Variants in PRKD1 observed in about 807,000 individuals in gnomAD.
PRKD1 encodes protein kinase D1, also known as serine/threonine-protein kinase D1.
A neutral mutation model predicts 95.9 loss-of-function variants in PRKD1; 63 were observed. The observed-to-expected ratio is 0.66, with a 90% CI of 0.54 to 0.81. The LOEUF is 0.81. Ranked by LOEUF, PRKD1 falls within the 30% of genes least tolerant of loss-of-function variation. PRKD1 has a pLI of 0.00. For synonymous variants in PRKD1, 425 were observed against 423.1 expected (o/e 1.00, Z -0.05); for missense variants, 1,048 against 1,165.3 (o/e 0.90, Z 1.47).
Position 29,762,654 on chromosome 14 carries a change from G to C in PRKD1, c.265-36980C>G, listed in dbSNP as rs569482519. Among the ~76,000 whole-genome samples the C allele has an allele frequency of 2.0e-5, 3 of 152,252 alleles. No individual in the cohort carries two copies. The East Asian group carries it at 5.8e-4, about 29-fold the overall frequency. On this transcript the variant is annotated intron_variant, in intron 1 of 17. Transcript: ENST00000331968. ...GTGACAATATTTGAAATGTCTTAGT[G>C]ACCACTTCTAGATTGCAGACTCCCA...
At chr14:29,635,756 T>G (rs1039672306) in intron 7 of PRKD1, among the ~76,000 whole-genome samples, 1 of 152,200 alleles carries the variant, frequency 6.6e-6, no homozygotes, top group African/African-American at 2.4e-5. Flanking sequence ...GCAGTCCAAT[T>G]TGCTCTGGTG....
At chr14:29,814,272 T>A (rs1366022314) in intron 1 of PRKD1, among the ~76,000 whole-genome samples, 1 of 152,126 alleles carries the variant, frequency 6.6e-6, no homozygotes, top group Non-Finnish European at 1.5e-5. Context: ...CCCAGTCAGG[T>A]GTAGGTATGG....
At chr14:29,762,989 C>A (rs1441262202) in intron 1 of PRKD1, among the ~76,000 whole-genome samples, 1 of 151,952 alleles carries the variant, frequency 6.6e-6, no homozygotes, top group Non-Finnish European at 1.5e-5. Flanking sequence ...AGCAATCCAC[C>A]CATCTCGGCC....
At chr14:29,915,823 C>T (rs1894869951) in intron 1 of PRKD1, among the ~76,000 whole-genome samples, 1 of 152,216 alleles carries the variant, frequency 6.6e-6, no homozygotes, top group Admixed American at 6.5e-5. Context: ...TCCTACAAAT[C>T]TACGGCCTTT....
chr14:29,586,775 G>C (rs1220256885), intron 16 of PRKD1, among the ~76,000 whole-genome samples: 1 of 152,086 alleles, frequency 6.6e-6, no homozygotes, highest in East Asian at 1.9e-4. Flanking sequence ...CTGAGTAGCT[G>C]GGATTACAGG....
chr14:29,813,757 C>G (rs1337455645), intron 1 of PRKD1, among the ~76,000 whole-genome samples: 3 of 152,214 alleles, frequency 2.0e-5, no homozygotes, highest in African/African-American at 7.2e-5. Flanking sequence ...TGAACACTGA[C>G]TCTGAATGTA....
intron 1 of PRKD1, among the ~76,000 whole-genome samples, chr14:29,888,370 A>T (rs1893813864): frequency 6.6e-6 from 1 of 152,066 alleles, no homozygotes; most frequent in South Asian, 2.1e-4. Flanking sequence ...AACAAAACCA[A>T]CTAAATGTCT....
intron 13 of PRKD1, among the ~76,000 whole-genome samples, chr14:29,622,415 T>G (rs1174762910): frequency 6.6e-6 from 1 of 151,224 alleles, no homozygotes; most frequent in African/African-American, 2.4e-5. Context: ...TTTATTATTT[T>G]TTTTTTTTTT....
At chr14:29,802,181 A>C (rs1351601951) in intron 1 of PRKD1, among the ~76,000 whole-genome samples, 8 of 152,224 alleles carry the variant, frequency 5.3e-5, no homozygotes, top group African/African-American at 1.9e-4. Context: ...TGAAAAAAAA[A>C]AGATGTGACT....
At chr14:29,603,914 G>A (rs1487411105) in intron 13 of PRKD1, among the ~76,000 whole-genome samples, 2 of 152,124 alleles carry the variant, frequency 1.3e-5, no homozygotes, top group African/African-American at 2.4e-5. Flanking sequence ...GGAAAAAATA[G>A]TGTCCATTCA....
intron 13 of PRKD1, among the ~76,000 whole-genome samples, chr14:29,612,954 C>G (rs531083764): frequency 6.6e-6 from 1 of 152,020 alleles, no homozygotes; most frequent in Non-Finnish European, 1.5e-5. Flanking sequence ...AAAAATTAGC[C>G]GGGCTTGCTG....
chr14:29,906,200 A>T (rs1566664835), intron 1 of PRKD1, among the ~76,000 whole-genome samples: 1 of 152,162 alleles, frequency 6.6e-6, no homozygotes, highest in Non-Finnish European at 1.5e-5. Flanking sequence ...AAGTATAAAT[A>T]AAAATGATTT....
At chr14:29,728,503 T>C (rs1886276932) in intron 1 of PRKD1, among the ~76,000 whole-genome samples, 1 of 152,224 alleles carries the variant, frequency 6.6e-6, no homozygotes, top group African/African-American at 2.4e-5. Flanking sequence ...ACATAGAATT[T>C]CATGTAAATG....
intron 13 of PRKD1, among the ~76,000 whole-genome samples, chr14:29,621,682 G>C (rs1328179190): frequency 6.6e-6 from 1 of 152,160 alleles, no homozygotes; most frequent in Non-Finnish European, 1.5e-5. Flanking sequence ...ATAGCTGAGT[G>C]ATATAATTTA....
chr14:29,843,531 A>T (rs1891952401), intron 1 of PRKD1, among the ~76,000 whole-genome samples: 1 of 152,240 alleles, frequency 6.6e-6, no homozygotes, highest in African/African-American at 2.4e-5. Flanking sequence ...TCTTTTACAG[A>T]GTCTCTAAAA....
In PRKD1 at chr14:29,601,501, G is replaced by A. The variant is rs45492300; in HGVS notation, c.1906-1684C>T. Among the ~76,000 whole-genome samples the A allele has an allele frequency of 1.3e-3, 202 of 152,272 alleles. 2 individuals carry two copies. The highest frequency in any genetic ancestry group is 2.0e-3 in the African/African-American group (84 of 41,554). On this transcript the variant is annotated intron_variant, in intron 13 of 17. Transcript: ENST00000331968. ...GGCTAGAGTCATTGTTCTTCAAACC[G>A]TTGCACTGTTAACTGGTCAAGTCTG...
intron 1 of PRKD1, among the ~76,000 whole-genome samples, chr14:29,897,943 T>C (rs529026292): frequency 9.2e-5 from 14 of 152,206 alleles, no homozygotes; most frequent in Non-Finnish European, 2.1e-4. Flanking sequence ...GTTATACAGC[T>C]ATCTATGTTT....
At chr14:29,598,009 C>T (rs1893373187) in intron 15 of PRKD1, among the ~76,000 whole-genome samples, 1 of 152,102 alleles carries the variant, frequency 6.6e-6, no homozygotes, top group Non-Finnish European at 1.5e-5. Flanking sequence ...GGTGCAGTGG[C>T]TCATGCCTGT....
chr14:29,923,458 G>T (rs1895194622), intron 1 of PRKD1, among the ~76,000 whole-genome samples: 1 of 152,064 alleles, frequency 6.6e-6, no homozygotes, highest in South Asian at 2.1e-4. Context: ...AATGTGTGGA[G>T]TATCTAAAAT....
Sources: gnomAD v4.1 joint callset for allele counts (sites outside exome capture counted in the v4.1 genomes callset) on GRCh38, gnomAD v4.1.1 for gene constraint, MANE v1.5 for transcripts, NCBI Gene and HGNC (gene_info 2026-07-23, HGNC 2026-07-21) for gene names.